The following SEMA6D variants were observed in gnomAD, a reference collection of about 807,000 sequenced individuals.
SEMA6D encodes semaphorin-6D.
SEMA6D carries 35 observed loss-of-function variants against 106.6 expected under a neutral mutation model. That is an observed-to-expected ratio of 0.33 (90% CI 0.25 to 0.44). The LOEUF is 0.44. Among genes scored for constraint, SEMA6D ranks in the 20% least tolerant of loss-of-function variants. The pLI is 1.00. For synonymous variants in SEMA6D, 499 were observed against 487.7 expected (o/e 1.02, Z -0.31); for missense variants, 1,185 against 1,345.9 (o/e 0.88, Z 1.87).
chr15:47,730,771 T>C (rs2080068416), intron 1 of SEMA6D: 1 of 1,597,454 alleles, frequency 6.3e-7, no homozygotes, highest in Non-Finnish European at 8.5e-7. Flanking sequence ...GTGGGGCCAT[T>C]TCACAAAGCG....
chr15:47,746,567 G>A (rs9888724), intron 1 of SEMA6D, among the ~76,000 whole-genome samples: 31,392 of 152,158 alleles, frequency 0.21, 3,739 homozygotes, highest in Non-Finnish European at 0.26. Flanking sequence ...CATCAGACAA[G>A]TCAGTAGCAT....
At chr15:47,452,939 C>T (rs1445864498) in intron 2 of SEMA6D, among the ~76,000 whole-genome samples, 1 of 151,810 alleles carries the variant, frequency 6.6e-6, no homozygotes, top group Non-Finnish European at 1.5e-5. Flanking sequence ...TTGAAATTAT[C>T]CCCATGAGTT....
intron 4 of SEMA6D, among the ~76,000 whole-genome samples, chr15:47,674,752 A>C (rs2078209656): frequency 6.6e-6 from 1 of 152,240 alleles, no homozygotes; most frequent in East Asian, 1.9e-4. Context: ...TTGTAGTCTC[A>C]GAAAGAATTG....
chr15:47,716,278 C>G (rs1027289399), upstream of SEMA6D, among the ~76,000 whole-genome samples: 9 of 152,160 alleles, frequency 5.9e-5, no homozygotes, highest in Admixed American at 4.6e-4. Context: ...AAATAGTTCT[C>G]CGGATGAGTC....
rs577674034 is a variant in SEMA6D, at chr15:47,527,033, G to A, written c.-87+56488G>A. On this transcript the variant is annotated intron_variant, in intron 3 of 19. Coordinates refer to the SEMA6D transcript ENST00000558014. The stretch of plus-strand genomic sequence containing the variant: ...GTTACAGGCGTGAGCCACTGCACCC[G>A]GCCTGAACCAGTAATTCTTAATTGG... 1.1e-4 allele frequency among the ~76,000 whole-genome samples: 17 copies of A among 152,206 alleles called. No homozygotes were observed. In the South Asian group the frequency reaches 1.2e-3, roughly 11 times the overall value.
intron 1 of SEMA6D, among the ~76,000 whole-genome samples, chr15:47,356,815 C>T (rs183252999): frequency 6.6e-6 from 1 of 152,218 alleles, no homozygotes; most frequent in African/African-American, 2.4e-5. Context: ...TCCTAAAGGC[C>T]TCAGGATGTG....
chr15:47,636,907 G>A (rs1448859784), intron 4 of SEMA6D, among the ~76,000 whole-genome samples: 2 of 152,164 alleles, frequency 1.3e-5, no homozygotes, highest in Admixed American at 6.5e-5. Flanking sequence ...GCCAAAGTGT[G>A]CTCATGGCTG....
At chr15:47,387,382 G>T (rs2039876845) in intron 1 of SEMA6D, among the ~76,000 whole-genome samples, 1 of 152,194 alleles carries the variant, frequency 6.6e-6, no homozygotes, top group Non-Finnish European at 1.5e-5. Context: ...GAACTTGGAG[G>T]AACTCAGATT....
upstream of SEMA6D, among the ~76,000 whole-genome samples, chr15:47,714,876 C>T (rs767367612): frequency 3.9e-5 from 6 of 152,168 alleles, no homozygotes; most frequent in East Asian, 3.8e-4. Context: ...ATTTATTGGG[C>T]GTCCATTAAA....
intron 3 of SEMA6D, among the ~76,000 whole-genome samples, chr15:47,520,395 CT>C (rs965881836): frequency 6.6e-6 from 1 of 151,562 alleles, no homozygotes; most frequent in Non-Finnish European, 1.5e-5. Context: ...AAGTAGTGGT[CT>C]TTTTTTTTCT....
chr15:47,279,047 T>C (rs972200493), intron 1 of SEMA6D, among the ~76,000 whole-genome samples: 8 of 105,624 alleles, frequency 7.6e-5, no homozygotes, highest in African/African-American at 3.1e-4. Context: ...TCAGGTAGTG[T>C]GATGCCTCCA....
At chr15:47,413,265 A>G (rs1218787901) in intron 2 of SEMA6D, among the ~76,000 whole-genome samples, 6 of 152,194 alleles carry the variant, frequency 3.9e-5, no homozygotes, top group South Asian at 2.1e-4. Flanking sequence ...AACATTTTCA[A>G]TATAAAGTAG....
At chr15:47,443,962 A>G (rs1052185552) in intron 2 of SEMA6D, among the ~76,000 whole-genome samples, 11 of 152,160 alleles carry the variant, frequency 7.2e-5, no homozygotes, top group African/African-American at 2.7e-4. Flanking sequence ...AATAATGATA[A>G]ACAAATTGAT....
At chr15:47,568,930 G>A (rs2046305414) in intron 3 of SEMA6D, among the ~76,000 whole-genome samples, 1 of 151,962 alleles carries the variant, frequency 6.6e-6, no homozygotes, top group Non-Finnish European at 1.5e-5. Context: ...CTCCACTAAT[G>A]GATGCTAAGT....
chr15:47,713,323 A>T (rs979494697), upstream of SEMA6D, among the ~76,000 whole-genome samples: 1 of 152,238 alleles, frequency 6.6e-6, no homozygotes, highest in South Asian at 2.1e-4. Flanking sequence ...GTATACTATC[A>T]TACTACATAA....
intron 3 of SEMA6D, among the ~76,000 whole-genome samples, chr15:47,572,475 A>G (rs1165430878): frequency 1.3e-5 from 2 of 152,180 alleles, no homozygotes; most frequent in African/African-American, 2.4e-5. Flanking sequence ...TGTATTCGGC[A>G]CAGAAACTGT....
intron 4 of SEMA6D, among the ~76,000 whole-genome samples, chr15:47,662,106 C>T (rs148305332): frequency 1.1e-4 from 17 of 152,196 alleles, no homozygotes; most frequent in Non-Finnish European, 1.9e-4. Context: ...TGGGTGTCTG[C>T]GGTGTCTGGG....
At chr15:47,707,373 G>A (rs1011224332) in intron 4 of SEMA6D, among the ~76,000 whole-genome samples, 3 of 152,172 alleles carry the variant, frequency 2.0e-5, no homozygotes, top group Non-Finnish European at 4.4e-5. Context: ...AAAAATTTCT[G>A]AAATAATGAT....
At chr15:47,760,045 A>C (rs1419616063) in intron 2 of SEMA6D, 138 bp downstream of exon 2, 1 of 721,462 alleles carries the variant, frequency 1.4e-6, no homozygotes, top group Admixed American at 2.7e-5. Context: ...TTTATCAGTA[A>C]TCATTTCCTA....
Sources: gnomAD v4.1 joint callset for allele counts (sites outside exome capture counted in the v4.1 genomes callset) on GRCh38, gnomAD v4.1.1 for gene constraint, MANE v1.5 for transcripts, NCBI Gene and HGNC (gene_info 2026-07-23, HGNC 2026-07-21) for gene names.